CTDNEP1: variants seen among roughly 807,000 people sequenced by gnomAD.
CTDNEP1 encodes the protein C-terminal domain nuclear envelope phosphatase 1.
Under a neutral mutation model 30.1 loss-of-function variants are expected in CTDNEP1, and 3 were observed. The ratio of observed to expected loss-of-function variants is 0.10; its 90% CI spans 0.05 to 0.26. The LOEUF is 0.26. CTDNEP1 is among the 10% of genes least tolerant of loss of function. The pLI is 1.00. For synonymous variants in CTDNEP1, 123 were observed against 118.8 expected, an observed-to-expected ratio of 1.04 and a Z score of -0.23; for missense variants, 158 against 310.4, an observed-to-expected ratio of 0.51 and a Z score of 3.69.
intron 6 of CTDNEP1, chr17:7,244,882 G>A (rs2071816547): frequency 4.7e-6 from 2 of 423,078 alleles, no homozygotes; most frequent in Middle Eastern, 6.5e-4. Context: ...ACTTGGCCAG[G>A]CGCAGTGGCT....
In CTDNEP1 at chr17:7,243,776, G is replaced by A. The variant is rs1012441615; in HGVS notation, c.*409C>T. Reference sequence around the variant, plus strand: ...ACCCACAGCCCAGCCCTTGGAGCAGGAGTGAAGAATTAGATCAGTTTTGTA... The same window carrying A: ...ACCCACAGCCCAGCCCTTGGAGCAGAAGTGAAGAATTAGATCAGTTTTGTA... On this transcript the variant is annotated 3_prime_UTR_variant, in exon 8 of 8. Transcript: ENST00000574322. The A allele has an allele frequency of 4.0e-4, 97 of 240,880 alleles. No homozygotes were observed. Among genetic ancestry groups the A allele is most frequent in the Non-Finnish European group, 1.6e-4 (22 of 138,822 alleles). The allele number at this position is 240,880 out of a possible 1,614,324, so 14.9% of individuals were successfully genotyped here.
intron 6 of CTDNEP1, 33 bp downstream of exon 6, chr17:7,245,993 T>C: frequency 6.9e-7 from 1 of 1,448,722 alleles, no homozygotes; most frequent in Non-Finnish European, 9.7e-7. Context: ...AACCATGTTC[T>C]GGTCCTGCCA....
At chr17:7,249,172 G>T (rs1353337991) in intron 1 of CTDNEP1, among the ~76,000 whole-genome samples, 2 of 152,114 alleles carry the variant, frequency 1.3e-5, no homozygotes, top group African/African-American at 4.8e-5. Flanking sequence ...TTCCTAATAC[G>T]CACATCTCCC....
Position 7,246,964 on chromosome 17 carries a change from G to T in CTDNEP1, c.288+100C>A. 1 of 1,403,558 alleles carries T rather than the reference G, an allele frequency of 7.1e-7. No homozygotes were observed. Among genetic ancestry groups the T allele is most frequent in the Non-Finnish European group, 1.0e-6 (1 of 993,290 alleles). 86.9% of individuals were successfully genotyped at this position (1,403,558 alleles called of 1,614,324 possible). On this transcript the variant is annotated intron_variant, in intron 3 of 7. Coordinates refer to ENST00000574322, the MANE Select transcript of CTDNEP1 (RefSeq NM_001143775.2). This position sits in a 1 kb window ranked among gnomAD's most constrained non-coding sequence, Gnocchi z 4.9. ...TTCCCTCCTCCAGGCTGACACTGGT[G>T]CCAGCGGATGGAGACAGATGCTCTG...
At chr17:7,245,481 A>C (rs1031436931) in intron 6 of CTDNEP1, among the ~76,000 whole-genome samples, 3 of 151,262 alleles carry the variant, frequency 2.0e-5, no homozygotes, top group Admixed American at 2.0e-4. Flanking sequence ...AATAAAAATA[A>C]ATTTTATTTT....
chr17:7,243,847 C>G lies in CTDNEP1; in HGVS notation c.*338G>C. The G allele has an allele frequency of 1.2e-6, 1 of 813,948 alleles. No individual in the cohort carries two copies. Among genetic ancestry groups the G allele is most frequent in the Non-Finnish European group, 1.6e-6 (1 of 636,560 alleles). 50.4% of individuals were successfully genotyped at this position (813,948 alleles called of 1,614,324 possible). A position where few individuals can be genotyped will look rare whatever the true frequency, so the allele number is the denominator to read the frequency against. ...TCAAATCACAACAAAGCTGACTTGGCTTCTCTTTGAGCCTCCTGGATCACC... is the reference window on the plus strand; with the variant it reads ...TCAAATCACAACAAAGCTGACTTGGGTTCTCTTTGAGCCTCCTGGATCACC... On this transcript the variant is annotated 3_prime_UTR_variant, in exon 8 of 8. Transcript: ENST00000574322.
At position 7,243,778 on chromosome 17, in the gene CTDNEP1, G is replaced by A. The variant is rs992164013; in HGVS notation, c.*407C>T. ...CCACAGCCCAGCCCTTGGAGCAGGA[G>A]TGAAGAATTAGATCAGTTTTGTACA... is the stretch of plus-strand genomic sequence containing the variant. On this transcript the variant is annotated 3_prime_UTR_variant, in exon 8 of 8. Coordinates refer to ENST00000574322, the MANE Select transcript of CTDNEP1 (RefSeq NM_001143775.2). 2 of 249,886 alleles carry A rather than the reference G, an allele frequency of 8.0e-6. No individual in the cohort carries two copies. The highest frequency in any genetic ancestry group is 1.4e-5 in the Non-Finnish European group (2 of 146,640). 15.5% of individuals were successfully genotyped at this position (249,886 alleles called of 1,614,324 possible).
At chr17:7,250,400 A>G (rs1396116112) in intron 1 of CTDNEP1, among the ~76,000 whole-genome samples, 1 of 152,222 alleles carries the variant, frequency 6.6e-6, no homozygotes, top group African/African-American at 2.4e-5. Flanking sequence ...GAGGGGACCC[A>G]GAGATGCTTG....
chr17:7,248,685 C>T (rs1046268763), intron 1 of CTDNEP1, among the ~76,000 whole-genome samples: 14 of 152,098 alleles, frequency 9.2e-5, no homozygotes, highest in Non-Finnish European at 1.8e-4. Flanking sequence ...GTGATATTAT[C>T]CTGCTACACT....
rs2071845897 is a variant in CTDNEP1, at chr17:7,246,926, C to T, written c.289-64G>A. The T allele has an allele frequency of 1.3e-6, 2 of 1,493,486 alleles. No individual in the cohort carries two copies. Among genetic ancestry groups the T allele is most frequent in the Non-Finnish European group, 9.3e-7 (1 of 1,072,472 alleles). 92.5% of individuals were successfully genotyped at this position (1,493,486 alleles called of 1,614,324 possible). On this transcript the variant is annotated intron_variant, in intron 3 of 7. Coordinates refer to ENST00000574322, the MANE Select transcript of CTDNEP1 (RefSeq NM_001143775.2). This position sits in a 1 kb window ranked among gnomAD's most constrained non-coding sequence, Gnocchi z 4.9. ...ACCACAACCCAGGCCTAGAAAACGCCCCACCCATCTGCTTCCCTCCTCCAG... is the reference window on the plus strand; with the variant it reads ...ACCACAACCCAGGCCTAGAAAACGCTCCACCCATCTGCTTCCCTCCTCCAG...
rs767051566 is a variant in CTDNEP1, at chr17:7,244,121, G to A, written c.*64C>T. ...CCTCACATTGGACAGGGCATCAGAC[G>A]GCATCCCAAGGGCTCGCCCTCCCTT... On this transcript the variant is annotated 3_prime_UTR_variant, in exon 8 of 8. Transcript: ENST00000574322. The A allele has an allele frequency of 2.4e-5, 38 of 1,606,326 alleles. No homozygotes were observed. The highest frequency in any genetic ancestry group is 3.0e-5 in the Non-Finnish European group (35 of 1,176,602).
chr17:7,250,884 C>T (rs536673780), intron 1 of CTDNEP1, among the ~76,000 whole-genome samples: 6 of 152,180 alleles, frequency 3.9e-5, no homozygotes, highest in Non-Finnish European at 8.8e-5. Context: ...GTGTTCCCCG[C>T]CTCTTGGTTT....
chr17:7,246,492 T>G lies in CTDNEP1; in HGVS notation c.361-122A>C. Reference sequence around the variant, plus strand: ...GCCTTCCATCAACATCAAATGTCTCTGAGGACACGAAATTCTGAACCCCCA... The same window carrying G: ...GCCTTCCATCAACATCAAATGTCTCGGAGGACACGAAATTCTGAACCCCCA... On this transcript the variant is annotated intron_variant, in intron 4 of 7. Coordinates refer to ENST00000574322, the MANE Select transcript of CTDNEP1 (RefSeq NM_001143775.2). This position sits in a 1 kb window ranked among gnomAD's most constrained non-coding sequence, Gnocchi z 4.9. 1.3e-6 allele frequency: 1 copy of G among 758,378 alleles called. No individual in the cohort carries two copies. The highest frequency in any genetic ancestry group is 2.2e-6 in the Non-Finnish European group (1 of 449,044). 47.0% of individuals were successfully genotyped at this position (758,378 alleles called of 1,614,324 possible).
chr17:7,250,953 G>A (rs1169017940), intron 1 of CTDNEP1, among the ~76,000 whole-genome samples: 1 of 152,068 alleles, frequency 6.6e-6, no homozygotes, highest in Non-Finnish European at 1.5e-5. Flanking sequence ...TAGCCCCCAA[G>A]AGTTGCCAAA....
In CTDNEP1 at chr17:7,243,994, C is replaced by T. The variant is rs371312829; in HGVS notation, c.*191G>A. The T allele has an allele frequency of 1.1e-5, 16 of 1,401,250 alleles. No homozygotes were observed. The East Asian group carries it at 4.0e-4, about 35-fold the overall frequency. The allele number at this position is 1,401,250 out of a possible 1,614,324, so 86.8% of individuals were successfully genotyped here. A position where few individuals can be genotyped will look rare whatever the true frequency, so the allele number is the denominator to read the frequency against. ...TGTGAACACGAAGTTAAGAGTGAGG[C>T]TGCTTCAGAGCCCCTGGCCCATGTG... On this transcript the variant is annotated 3_prime_UTR_variant, in exon 8 of 8. Transcript: ENST00000574322.
At chr17:7,245,274 A>C (rs2071820790) in intron 6 of CTDNEP1, among the ~76,000 whole-genome samples, 1 of 151,530 alleles carries the variant, frequency 6.6e-6, no homozygotes, top group Non-Finnish European at 1.5e-5. Context: ...CCTGGGTGAC[A>C]GTGCGAGACT....
chr17:7,250,671 T>A (rs2071904844), intron 1 of CTDNEP1, among the ~76,000 whole-genome samples: 1 of 152,208 alleles, frequency 6.6e-6, no homozygotes, highest in African/African-American at 2.4e-5. Context: ...AGGAATTCTC[T>A]TAATGGGAAC....
intron 1 of CTDNEP1, among the ~76,000 whole-genome samples, chr17:7,248,402 C>G: frequency 6.8e-6 from 1 of 147,972 alleles, no homozygotes; most frequent in South Asian, 2.2e-4. Flanking sequence ...CTCCATTGCC[C>G]AGGCTGGAGT....
chr17:7,246,425 C>A lies in CTDNEP1; in HGVS notation c.361-55G>T. 7.9e-7 allele frequency: 1 copy of A among 1,267,630 alleles called. No homozygotes were observed. The highest frequency in any genetic ancestry group is 1.2e-6 in the Non-Finnish European group (1 of 869,504). The allele number at this position is 1,267,630 out of a possible 1,614,324, so 78.5% of individuals were successfully genotyped here. On this transcript the variant is annotated intron_variant, in intron 4 of 7. Transcript: ENST00000574322. This position sits in a 1 kb window ranked among gnomAD's most constrained non-coding sequence, Gnocchi z 4.9. ...CATACAAGGTGATGATTCCTTTAGACATACAGTTATCTTTCAGAAAGGCAA... is the reference window on the plus strand; with the variant it reads ...CATACAAGGTGATGATTCCTTTAGAAATACAGTTATCTTTCAGAAAGGCAA...
Sources: allele counts gnomAD v4.1 joint callset (sites outside exome capture counted in the v4.1 genomes callset), GRCh38; gene constraint gnomAD v4.1.1; non-coding constraint Gnocchi (gnomAD v3.1); transcripts MANE v1.5; gene names NCBI Gene and HGNC (gene_info 2026-07-23, HGNC 2026-07-21).